Variants in KCNK2 observed in about 807,000 individuals in gnomAD.
The protein encoded by KCNK2 is potassium channel subfamily K member 2.
KCNK2 carries 21 observed loss-of-function variants against 40.5 expected under a neutral mutation model. That is an observed-to-expected ratio of 0.52 (90% CI 0.37 to 0.75). The LOEUF is 0.75. Ranked by LOEUF, KCNK2 falls within the 30% of genes least tolerant of loss-of-function variation. KCNK2 has a pLI of 0.00. For missense variants in KCNK2, 399 were observed against 531.6 expected, an observed-to-expected ratio of 0.75 and a Z score of 2.45; for synonymous variants, 191 against 202.2, an observed-to-expected ratio of 0.94 and a Z score of 0.47.
intron 3 of KCNK2, among the ~76,000 whole-genome samples, chr1:215,152,621 A>G (rs1262662930): frequency 6.6e-6 from 1 of 152,310 alleles, no homozygotes; most frequent in South Asian, 2.1e-4. Context: ...GAGTTTCCTC[A>G]GTAACTAGCA....
intron 3 of KCNK2, among the ~76,000 whole-genome samples, chr1:215,166,051 A>G (rs1185391033): frequency 6.6e-6 from 1 of 152,180 alleles, no homozygotes; most frequent in East Asian, 1.9e-4. Flanking sequence ...TTTTTGTTAG[A>G]TAATCGATAT....
intron 5 of KCNK2, among the ~76,000 whole-genome samples, chr1:215,174,351 C>A (rs1663857010): frequency 6.6e-6 from 1 of 152,096 alleles, no homozygotes; most frequent in South Asian, 2.1e-4. Flanking sequence ...GGTACCAGTA[C>A]CATGCTGTTT....
chr1:215,024,904 T>C (rs2102480991), intron 1 of KCNK2, among the ~76,000 whole-genome samples: 2 of 151,644 alleles, frequency 1.3e-5, no homozygotes, highest in South Asian at 2.1e-4. Context: ...CTCAAACAAA[T>C]ATATGTCTAT....
chr1:215,179,312 T>C (rs1664126897), intron 5 of KCNK2, among the ~76,000 whole-genome samples: 1 of 152,042 alleles, frequency 6.6e-6, no homozygotes, highest in South Asian at 2.1e-4. Flanking sequence ...CCTTTGGTTT[T>C]ATTATTTGCA....
intron 6 of KCNK2, among the ~76,000 whole-genome samples, chr1:215,202,258 G>T (rs1030938910): frequency 6.6e-6 from 1 of 152,176 alleles, no homozygotes; most frequent in Non-Finnish European, 1.5e-5. Flanking sequence ...GGAGAGGGGT[G>T]TCCTTCACTA....
intron 6 of KCNK2, among the ~76,000 whole-genome samples, chr1:215,215,251 A>G (rs571998340): frequency 9.2e-5 from 14 of 152,184 alleles, no homozygotes; most frequent in African/African-American, 3.1e-4. Context: ...AATACTGGTA[A>G]GGCACCAGGA....
intron 1 of KCNK2, among the ~76,000 whole-genome samples, chr1:215,029,898 G>A (rs977905670): frequency 1.3e-5 from 2 of 152,062 alleles, no homozygotes; most frequent in Non-Finnish European, 2.9e-5. Context: ...GTTTTTGTGT[G>A]GACATGTTTT....
chr1:215,106,309 G>A (rs912494563), intron 2 of KCNK2, among the ~76,000 whole-genome samples: 6 of 151,962 alleles, frequency 3.9e-5, no homozygotes, highest in Admixed American at 1.3e-4. Context: ...GTATCTCATC[G>A]TAGTTTTGAT....
intron 6 of KCNK2, among the ~76,000 whole-genome samples, chr1:215,222,105 C>T (rs759872144): frequency 1.5e-4 from 23 of 152,196 alleles, no homozygotes; most frequent in Non-Finnish European, 3.2e-4. Flanking sequence ...AACCCAATAC[C>T]GTGTAAACAG....
At chr1:215,064,529 C>G (rs985665637) in intron 1 of KCNK2, among the ~76,000 whole-genome samples, 1 of 152,164 alleles carries the variant, frequency 6.6e-6, no homozygotes, top group African/African-American at 2.4e-5. Flanking sequence ...CCATTGGCTT[C>G]CCTGGGTGAT....
chr1:215,179,465 CTTTAA>C (rs1354977348), intron 5 of KCNK2, among the ~76,000 whole-genome samples: 1 of 151,946 alleles, frequency 6.6e-6, no homozygotes, highest in Admixed American at 6.6e-5. Flanking sequence ...GATGTTAGAT[CTTTAA>C]TTTGAGATCT....
intron 2 of KCNK2, among the ~76,000 whole-genome samples, chr1:215,094,933 T>C (rs929424909): frequency 2.6e-5 from 4 of 152,090 alleles, no homozygotes; most frequent in Non-Finnish European, 5.9e-5. Context: ...TTTTCGTATA[T>C]TTCAAAATAT....
chr1:215,054,631 G>C (rs1445149128), intron 1 of KCNK2, among the ~76,000 whole-genome samples: 2 of 152,178 alleles, frequency 1.3e-5, no homozygotes, highest in Non-Finnish European at 2.9e-5. Context: ...AAGTTTGCAA[G>C]TTCTGTGTCA....
chr1:215,174,294 T>C (rs1663854353), intron 5 of KCNK2, among the ~76,000 whole-genome samples: 2 of 152,242 alleles, frequency 1.3e-5, no homozygotes, highest in Admixed American at 6.5e-5. Flanking sequence ...TGTGTGCTAT[T>C]ATTTCTGAGG....
chr1:215,074,361 A>G (rs962466267), intron 1 of KCNK2, among the ~76,000 whole-genome samples: 2 of 152,206 alleles, frequency 1.3e-5, no homozygotes, highest in African/African-American at 4.8e-5. Context: ...TTGGTTAATG[A>G]ACACATTTAA....
intron 1 of KCNK2, among the ~76,000 whole-genome samples, chr1:215,039,072 C>T (rs540669325): frequency 7.8e-4 from 118 of 151,954 alleles, no homozygotes; most frequent in African/African-American, 2.7e-3. Flanking sequence ...ACTATTTGTA[C>T]CTGAAAGAAA....
intron 5 of KCNK2, among the ~76,000 whole-genome samples, chr1:215,194,313 C>T (rs532969022): frequency 1.1e-4 from 17 of 151,836 alleles, no homozygotes; most frequent in African/African-American, 3.9e-4. Context: ...TTGAGAGCTA[C>T]GGTTTTATTT....
At chr1:215,205,491 C>T (rs1362140079) in intron 6 of KCNK2, among the ~76,000 whole-genome samples, 1 of 152,164 alleles carries the variant, frequency 6.6e-6, no homozygotes, top group Non-Finnish European at 1.5e-5. Context: ...GATCCACCCG[C>T]CTCGGCCTCC....
intron 6 of KCNK2, among the ~76,000 whole-genome samples, chr1:215,201,502 AC>A (rs1665079150): frequency 6.6e-6 from 1 of 152,208 alleles, no homozygotes; most frequent in Non-Finnish European, 1.5e-5. Context: ...TTGGAGCATG[AC>A]TAATAGAAAT....
Sources: gnomAD v4.1 joint callset for allele counts (sites outside exome capture counted in the v4.1 genomes callset) on GRCh38, gnomAD v4.1.1 for gene constraint, MANE v1.5 for transcripts, NCBI Gene and HGNC (gene_info 2026-07-23, HGNC 2026-07-21) for gene names.